The following CHMP6 variants were observed in gnomAD, a reference collection of about 807,000 sequenced individuals.
CHMP6 encodes the protein charged multivesicular body protein 6, also known as chromatin-modifying protein 6.
In CHMP6, 10 loss-of-function variants were observed where a neutral mutation model predicts 32.8. The ratio of observed to expected loss-of-function variants is 0.30; its 90% confidence interval spans 0.19 to 0.52. The LOEUF is 0.52. CHMP6 is among the 20% of genes least tolerant of loss of function. The pLI is 0.97. For missense variants in CHMP6, 269 were observed against 263.8 expected (o/e 1.02, Z -0.14); for synonymous variants, 123 against 105.8 (o/e 1.16, Z -1.00).
chr17:80,997,272 G>A lies in CHMP6; in HGVS notation c.426G>A (p.Glu142=). 6.4e-7 allele frequency: 1 copy of A among 1,569,966 alleles called. No individual in the cohort carries two copies. The highest frequency in any genetic ancestry group is 8.7e-7 in the Non-Finnish European group (1 of 1,153,220). The change falls in exon 6 of 8, where the codon GAG becomes GAA. Residue 142 remains glutamate (E), a synonymous_variant. Coordinates refer to ENST00000325167, the MANE Select transcript of CHMP6 (RefSeq NM_024591.5). The part of the protein sequence containing the change: ...EAVEYQRQID[E]LLAGSFTQED... Reference sequence around the variant, plus strand: ...CTGTCCTTTTGCAGCAAATAGACGAGCTCCTGGCAGGAAGCTTCACTCAGG... The same window carrying A: ...CTGTCCTTTTGCAGCAAATAGACGAACTCCTGGCAGGAAGCTTCACTCAGG...
Position 80,991,872 on chromosome 17 carries a change from G to T in CHMP6, c.-47G>T, listed in dbSNP as rs28391679. 70 of 1,347,030 alleles carry T rather than the reference G, an allele frequency of 5.2e-5. No homozygotes were observed. In the African/African-American group the frequency reaches 9.8e-4, roughly 19 times the overall value. 83.4% of individuals were successfully genotyped at this position (1,347,030 alleles called of 1,614,324 possible). ...CGAGCTACGGTGGCCGCGGGGCGGC[G>T]GTGGCGATTGGACTTGGTGGGTCCC... On this transcript the variant is annotated 5_prime_UTR_variant, in exon 1 of 8. Transcript: ENST00000325167.
intron 1 of CHMP6, 105 bp downstream of exon 1, chr17:80,992,086 G>A (rs1195708612): frequency 1.3e-6 from 1 of 795,500 alleles, no homozygotes; most frequent in Admixed American, 4.6e-5. Flanking sequence ...CCCGCGTTCG[G>A]ATGGGGAAAC....
chr17:80,995,923 C>T (rs1031422157), intron 4 of CHMP6, among the ~76,000 whole-genome samples, 165 bp downstream of exon 4: 4 of 151,988 alleles, frequency 2.6e-5, no homozygotes, highest in African/African-American at 7.3e-5. Context: ...ATGCAGTGAC[C>T]GGGTGCAGCA....
At chr17:80,997,658 T>C (rs2069650921) in intron 6 of CHMP6, among the ~76,000 whole-genome samples, 1 of 151,906 alleles carries the variant, frequency 6.6e-6, no homozygotes. Context: ...CTGACTCACG[T>C]CCCACATAGG....
chr17:80,998,273 C>G (rs576811867), intron 6 of CHMP6, 93 bp from the exon 7 acceptor site: 2 of 1,425,858 alleles, frequency 1.4e-6, no homozygotes, highest in African/African-American at 2.8e-5. Context: ...CTGAGAGCGG[C>G]TGACGGACAG....
Position 80,993,275 on chromosome 17 carries a change from T to TTA in CHMP6, c.63+1295_63+1296insAT, listed in dbSNP as rs1179208469. On this transcript the variant is annotated intron_variant, in intron 1 of 7. Coordinates refer to ENST00000325167, the MANE Select transcript of CHMP6 (RefSeq NM_024591.5). ...ACTAGCACAAATGATTGCTTTTTTT[T>TTA]TTCTGTTTTTCTAGGATAACAGGTG... Among the ~76,000 whole-genome samples the TTA allele has an allele frequency of 3.8e-5, 5 of 130,950 alleles. No individual in the cohort carries two copies. The East Asian group carries it at 1.2e-3, about 31-fold the overall frequency. The allele number at this position is 130,950 out of a possible 152,430, so 85.9% of individuals were successfully genotyped here.
rs1040350820 is a variant in CHMP6 at position 80,999,544 on chromosome 17, T to C, written c.*391T>C. On this transcript the variant is annotated 3_prime_UTR_variant, in exon 8 of 8. Transcript: ENST00000325167. ...TTGGGGTCCCCGCGCTTCCTCTTGCTCCTCGCTGCTCCCATTAGCTGGTGC... is the reference window on the plus strand; with the variant it reads ...TTGGGGTCCCCGCGCTTCCTCTTGCCCCTCGCTGCTCCCATTAGCTGGTGC... 9 of 195,372 alleles carry C rather than the reference T, an allele frequency of 4.6e-5. No homozygotes were observed. The highest frequency in any genetic ancestry group is 9.5e-5 in the Non-Finnish European group (9 of 94,684). 12.1% of individuals were successfully genotyped at this position (195,372 alleles called of 1,614,324 possible). A position where few individuals can be genotyped will look rare whatever the true frequency, so the allele number is the denominator to read the frequency against.
At chr17:80,996,871 G>A (rs1225211112) in intron 4 of CHMP6, 136 bp from the exon 5 acceptor site, 3 of 921,016 alleles carry the variant, frequency 3.3e-6, no homozygotes, top group Non-Finnish European at 4.8e-6. Flanking sequence ...GGGCAACACA[G>A]CCAGACCTTG....
intron 4 of CHMP6, 95 bp from the exon 5 acceptor site, chr17:80,996,912 G>A (rs2069642054): frequency 2.5e-6 from 3 of 1,188,438 alleles, no homozygotes; most frequent in Non-Finnish European, 3.6e-6. Flanking sequence ...TAAACAGAGG[G>A]GTGAGGCCAT....
chr17:80,992,087 A>T (rs1340755743), intron 1 of CHMP6, 106 bp downstream of exon 1: 3 of 759,474 alleles, frequency 4.0e-6, no homozygotes, highest in East Asian at 7.9e-5. Context: ...CCGCGTTCGG[A>T]TGGGGAAACT....
chr17:80,998,522 G>C (rs1006153825), intron 7 of CHMP6, 102 bp downstream of exon 7: 8 of 1,600,458 alleles, frequency 5.0e-6, no homozygotes, highest in Non-Finnish European at 6.8e-6. Flanking sequence ...CCTGGGCCGT[G>C]GGCAAGCCCT....
rs372569646 is a variant in CHMP6 at position 80,999,162 on chromosome 17, C to G, written c.*9C>G. ...TGGTGGCAGCTTCGTAACGTGGCCT[C>G]GTCTTGTGGGACTCACGGGGATGCC... On this transcript the variant is annotated 3_prime_UTR_variant, in exon 8 of 8. Coordinates refer to ENST00000325167, the MANE Select transcript of CHMP6 (RefSeq NM_024591.5). 102 of 1,613,940 alleles carry G rather than the reference C, an allele frequency of 6.3e-5. No individual in the cohort carries two copies. The highest frequency in any genetic ancestry group is 8.3e-5 in the Non-Finnish European group (98 of 1,179,904).
chr17:80,995,919 T>C (rs2069634032), intron 4 of CHMP6, among the ~76,000 whole-genome samples, 161 bp downstream of exon 4: 1 of 152,002 alleles, frequency 6.6e-6, no homozygotes, highest in South Asian at 2.1e-4. Context: ...AGGGATGCAG[T>C]GACCGGGTGC....
intron 7 of CHMP6, chr17:80,998,784 C>T: frequency 2.1e-6 from 2 of 950,542 alleles, no homozygotes; most frequent in Non-Finnish European, 2.9e-6. Flanking sequence ...TCCAACCTGC[C>T]CACTGGGAAG....
At chr17:80,995,258 C>A in intron 3 of CHMP6, 152 bp downstream of exon 3, 1 of 732,596 alleles carries the variant, frequency 1.4e-6, no homozygotes, top group Non-Finnish European at 2.2e-6. Context: ...GGCCTGGAAT[C>A]CCGGGGAGTC....
At position 80,999,444 on chromosome 17, in the gene CHMP6, G is replaced by A. The variant is rs149696009; in HGVS notation, c.*291G>A. On this transcript the variant is annotated 3_prime_UTR_variant, in exon 8 of 8. Transcript: ENST00000325167. The stretch of plus-strand genomic sequence containing the variant: ...CCGGTGGCCGAGGCCCAGGCCCAAC[G>A]CCTCTGGTGCTGTTCCCCTGCAGTC... The A allele has an allele frequency of 9.7e-4, 414 of 428,884 alleles. 2 individuals are homozygous for A. Among genetic ancestry groups the A allele is most frequent in the Admixed American group, 4.7e-3 (126 of 26,816 alleles). The allele number at this position is 428,884 out of a possible 1,614,324, so 26.6% of individuals were successfully genotyped here. A position where few individuals can be genotyped will look rare whatever the true frequency, so the allele number is the denominator to read the frequency against.
At chr17:80,994,210 A>G (rs568765910) in intron 1 of CHMP6, among the ~76,000 whole-genome samples, 2 of 152,272 alleles carry the variant, frequency 1.3e-5, no homozygotes, top group South Asian at 4.1e-4. Flanking sequence ...CACTGCGCCC[A>G]GCCGAGTCCA....
chr17:80,999,079 A>G lies in CHMP6; in HGVS notation c.551-19A>G. On this transcript the variant is annotated intron_variant, in intron 7 of 7. Coordinates refer to ENST00000325167, the MANE Select transcript of CHMP6 (RefSeq NM_024591.5). The stretch of plus-strand genomic sequence containing the variant: ...TGTGGGTCTTTGGCGTGTCATAAAC[A>G]TCTCTGTTTCCTCCACAGAAAACGT... 1.9e-6 allele frequency: 3 copies of G among 1,613,584 alleles called. No homozygotes were observed. Among genetic ancestry groups the G allele is most frequent in the South Asian group, 1.1e-5 (1 of 91,058 alleles).
In CHMP6 at chr17:80,995,691, C is replaced by T. The variant is rs2069631397; in HGVS notation, c.281C>T (p.Thr94Ile). The T allele has an allele frequency of 1.2e-6, 2 of 1,614,058 alleles. No homozygotes were observed. The highest frequency in any genetic ancestry group is 2.2e-5 in the South Asian group (2 of 91,086). ...LEAMVQSIEF[T>I]QIEMKVMEGL... is the part of the protein sequence containing the mutation. ...TTTCAGGTTCAGAGTATTGAGTTCA[C>T]CCAGATCGAAATGAAAGTGATGGAG... The change falls in exon 4 of 8, where the codon ACC (threonine) becomes ATC (isoleucine). Residue 94 changes from threonine to isoleucine, a missense_variant. Physicochemically the swap from Thr to Ile is moderately conservative, Grantham distance 89. Transcript: ENST00000325167.
Sources: gnomAD v4.1 joint callset for allele counts (sites outside exome capture counted in the v4.1 genomes callset) on GRCh38, gnomAD v4.1.1 for gene constraint, MANE v1.5 for transcripts, NCBI Gene and HGNC (gene_info 2026-07-23, HGNC 2026-07-21) for gene names.